Variants in KDELR2 observed in about 807,000 individuals in gnomAD.
KDELR2 encodes KDEL endoplasmic reticulum protein retention receptor 2.
KDELR2 carries 15 observed loss-of-function variants against 23.9 expected under a neutral mutation model. The ratio of observed to expected loss-of-function variants is 0.63; its 90% confidence interval spans 0.42 to 0.97. The LOEUF is 0.97. Ranked by LOEUF, KDELR2 falls within the 50% of genes least tolerant of loss-of-function variation. KDELR2 has a pLI of 0.00. For missense variants in KDELR2, 272 were observed against 254.6 expected (o/e 1.07, Z -0.46); for synonymous variants, 119 against 106.2 (o/e 1.12, Z -0.74).
intron 2 of KDELR2, among the ~76,000 whole-genome samples, chr7:6,472,858 G>T (rs934546680): frequency 3.4e-5 from 5 of 148,788 alleles, no homozygotes; most frequent in African/African-American, 1.2e-4. Context: ...AAGAAAGAAA[G>T]AAATCAGACT....
chr7:6,484,141 G>C lies in KDELR2; in HGVS notation c.-84C>G, dbSNP rs1043008561. Reference sequence around the variant, plus strand: ...GAGGCGGCGGCCCCTGAGAGGAAGCGGCGAAGATGGCGAGATCGCCCGCGA... The same window carrying C: ...GAGGCGGCGGCCCCTGAGAGGAAGCCGCGAAGATGGCGAGATCGCCCGCGA... On this transcript the variant is annotated 5_prime_UTR_variant, in exon 1 of 5. Coordinates refer to ENST00000258739, the MANE Select transcript of KDELR2 (RefSeq NM_006854.4). 1 of 1,076,800 alleles carries C rather than the reference G, an allele frequency of 9.3e-7. No individual in the cohort carries two copies. The highest frequency in any genetic ancestry group is 3.7e-5 in the South Asian group (1 of 27,232). The allele number at this position is 1,076,800 out of a possible 1,614,324, so 66.7% of individuals were successfully genotyped here. A position where few individuals can be genotyped will look rare whatever the true frequency, so the allele number is the denominator to read the frequency against.
chr7:6,481,641 G>C (rs1168723410), intron 1 of KDELR2, among the ~76,000 whole-genome samples: 1 of 152,066 alleles, frequency 6.6e-6, no homozygotes, highest in African/African-American at 2.4e-5. Flanking sequence ...GATCGCTTGA[G>C]CCCAGGAGTT....
chr7:6,477,246 G>A (rs926220368), intron 1 of KDELR2, among the ~76,000 whole-genome samples: 4 of 110,580 alleles, frequency 3.6e-5, no homozygotes, highest in Non-Finnish European at 9.1e-5. Context: ...GAAATCTGCG[G>A]ATGCTAACGT....
At chr7:6,478,488 A>G (rs1414478423) in intron 1 of KDELR2, among the ~76,000 whole-genome samples, 2 of 152,066 alleles carry the variant, frequency 1.3e-5, no homozygotes, top group African/African-American at 4.8e-5. Flanking sequence ...GCATCCTTTC[A>G]TGCTTCATTG....
intron 4 of KDELR2, among the ~76,000 whole-genome samples, chr7:6,465,484 A>AAT (rs10687677): frequency 0.81 from 119,999 of 149,010 alleles, 48,427 homozygotes; most frequent in African/African-American, 0.84. Flanking sequence ...ACCTGGCATA[A>AAT]ATGTTTTTTT....
At chr7:6,477,685 G>C (rs767969304) in intron 1 of KDELR2, among the ~76,000 whole-genome samples, 3 of 152,178 alleles carry the variant, frequency 2.0e-5, no homozygotes, top group Non-Finnish European at 4.4e-5. Context: ...TTTCGAGATG[G>C]GGTCTCTCTC....
intron 1 of KDELR2, chr7:6,482,568 G>T (rs1197619486): frequency 2.1e-6 from 1 of 470,810 alleles, no homozygotes; most frequent in East Asian, 6.9e-5. Context: ...TCTCAGTTAT[G>T]TTCCAAGGAG....
chr7:6,483,067 A>G (rs1232525382), intron 1 of KDELR2, among the ~76,000 whole-genome samples: 4 of 152,138 alleles, frequency 2.6e-5, no homozygotes, highest in Non-Finnish European at 4.4e-5. Flanking sequence ...ACGAAATGTA[A>G]AAGTCCAAAA....
chr7:6,478,597 C>G (rs1785808784), intron 1 of KDELR2, among the ~76,000 whole-genome samples: 1 of 152,012 alleles, frequency 6.6e-6, no homozygotes, highest in Non-Finnish European at 1.5e-5. Context: ...CCTTTTGTCA[C>G]TTAGGTATAT....
intron 4 of KDELR2, 130 bp from the exon 5 acceptor site, chr7:6,463,305 T>C: frequency 1.4e-6 from 1 of 696,152 alleles, no homozygotes; most frequent in Non-Finnish European, 2.3e-6. Context: ...AATAAGCAAT[T>C]GTATTTTAAA....
In KDELR2 at chr7:6,474,242, G is replaced by T; in HGVS notation, c.134C>A (p.Thr45Lys). Residue 45 changes from threonine (T) to lysine (K), a missense_variant, in exon 2 of 5, where the codon ACA becomes AAA. By Grantham distance (78) the Thr-to-Lys change is moderately conservative (BLOSUM62 -1). Coordinates refer to ENST00000258739, the MANE Select transcript of KDELR2 (RefSeq NM_006854.4). ...AGTAAAAAGATCCAGGTAACGAGTTGTGAAGACCAGTGCAAACAGAAGCTG... is the reference window on the plus strand; with the variant it reads ...AGTAAAAAGATCCAGGTAACGAGTTTTGAAGACCAGTGCAAACAGAAGCTG... ...KSQLLFALVF[T>K]TRYLDLFTSF... 6.2e-7 allele frequency: 1 copy of T among 1,613,936 alleles called. No individual in the cohort carries two copies. Among genetic ancestry groups the T allele is most frequent in the South Asian group, 1.1e-5 (1 of 91,066 alleles).
At chr7:6,465,863 G>T (rs993401445) in intron 4 of KDELR2, among the ~76,000 whole-genome samples, 1 of 152,126 alleles carries the variant, frequency 6.6e-6, no homozygotes, top group South Asian at 2.1e-4. Context: ...CAGTGAAAAT[G>T]TGTCACTTTA....
At chr7:6,479,443 C>A (rs998716736) in intron 1 of KDELR2, among the ~76,000 whole-genome samples, 1 of 152,176 alleles carries the variant, frequency 6.6e-6, no homozygotes, top group Admixed American at 6.6e-5. Context: ...GCATGAGCCA[C>A]TAAGACCGGC....
At chr7:6,464,319 G>C (rs184948945) in intron 4 of KDELR2, among the ~76,000 whole-genome samples, 1 of 145,844 alleles carries the variant, frequency 6.9e-6, no homozygotes, top group African/African-American at 2.5e-5. Flanking sequence ...GGGAGTTCAA[G>C]ACCAGCCTGG....
chr7:6,471,176 G>GTTTTTTTTT (rs1161325162), intron 2 of KDELR2, among the ~76,000 whole-genome samples: 9 of 72,568 alleles, frequency 1.2e-4, no homozygotes, highest in African/African-American at 1.5e-4. Context: ...ATTTGTTTCG[G>GTTTTTTTTT]TTTTTTTTTT....
At position 6,462,689 on chromosome 7, in the gene KDELR2, C is replaced by T; in HGVS notation, c.*452G>A. 3.4e-6 allele frequency: 1 copy of T among 291,836 alleles called. No homozygotes were observed. 18.1% of individuals were successfully genotyped at this position (291,836 alleles called of 1,614,324 possible). The stretch of plus-strand genomic sequence containing the variant: ...TCAAACAAATACAGCTCATCTTTTG[C>T]CAAAAAATAAATATAGTGGAATGCA... On this transcript the variant is annotated 3_prime_UTR_variant, in exon 5 of 5. Transcript: ENST00000258739.
At chr7:6,468,026 G>A (rs908060825) in intron 3 of KDELR2, among the ~76,000 whole-genome samples, 1 of 152,194 alleles carries the variant, frequency 6.6e-6, no homozygotes, top group African/African-American at 2.4e-5. Context: ...CAAAATGTGG[G>A]CTACAGGAGG....
At chr7:6,477,862 C>A (rs1004733108) in intron 1 of KDELR2, among the ~76,000 whole-genome samples, 5 of 152,142 alleles carry the variant, frequency 3.3e-5, no homozygotes, top group African/African-American at 1.2e-4. Context: ...CCAGATTAGA[C>A]TATACAACAT....
At position 6,474,219 on chromosome 7, in the gene KDELR2, T is replaced by G; in HGVS notation, c.157A>C (p.Thr53Pro). 6.2e-7 allele frequency: 1 copy of G among 1,613,556 alleles called. No homozygotes were observed. The highest frequency in any genetic ancestry group is 2.2e-5 in the East Asian group (1 of 44,888). The change falls in exon 2 of 5, where the codon ACT (threonine) becomes CCT (proline). Residue 53 changes from threonine to proline, a missense_variant. Coordinates refer to ENST00000258739, the MANE Select transcript of KDELR2 (RefSeq NM_006854.4). Reference sequence around the variant, plus strand: ...GTGTTATACAATGAAATAAATGAAGTAAAAAGATCCAGGTAACGAGTTGTG... The same window carrying G: ...GTGTTATACAATGAAATAAATGAAGGAAAAAGATCCAGGTAACGAGTTGTG... ...VFTTRYLDLF[T>P]SFISLYNTSM...
Sources: gnomAD v4.1 joint callset for allele counts (sites outside exome capture counted in the v4.1 genomes callset) on GRCh38, gnomAD v4.1.1 for gene constraint, MANE v1.5 for transcripts, NCBI Gene and HGNC (gene_info 2026-07-23, HGNC 2026-07-21) for gene names.